The following SERGEF variants were observed in gnomAD, a reference collection of about 807,000 sequenced individuals.
The protein encoded by SERGEF is secretion-regulating guanine nucleotide exchange factor.
SERGEF carries 51 observed loss-of-function variants against 50.0 expected under a neutral mutation model. The ratio of observed to expected loss-of-function variants is 1.02; its 90% CI spans 0.81 to 1.29. The LOEUF (loss-of-function observed/expected upper bound fraction) is 1.29, where lower values mean the gene tolerates loss of function less well. Among genes scored for constraint, SERGEF ranks in the 50% most tolerant of loss-of-function variants. The pLI is 0.00. For missense variants in SERGEF, 521 were observed against 557.0 expected (o/e 0.94, Z 0.65); for synonymous variants, 205 against 212.4 (o/e 0.97, Z 0.30).
chr11:17,870,347 TG>T (rs1201834379), intron 10 of SERGEF, among the ~76,000 whole-genome samples: 3 of 152,070 alleles, frequency 2.0e-5, no homozygotes, highest in African/African-American at 7.2e-5. Flanking sequence ...GGTCCTTAAA[TG>T]TAGAAAAGGG....
At chr11:18,000,465 T>G in intron 5 of SERGEF, 32 bp downstream of exon 5, 1 of 1,466,372 alleles carries the variant, frequency 6.8e-7, no homozygotes, top group East Asian at 2.5e-5. Context: ...GTATTAAAAA[T>G]AAAAATAAAA....
intron 8 of SERGEF, among the ~76,000 whole-genome samples, chr11:17,968,224 C>G (rs954254207): frequency 6.6e-6 from 1 of 152,132 alleles, no homozygotes; most frequent in Non-Finnish European, 1.5e-5. Flanking sequence ...CTGTTACCAC[C>G]AAGGATATCA....
intron 10 of SERGEF, among the ~76,000 whole-genome samples, chr11:17,816,193 A>G (rs767900861): frequency 1.3e-5 from 2 of 152,114 alleles, no homozygotes; most frequent in African/African-American, 2.4e-5. Flanking sequence ...TCTCAGCACC[A>G]TGGTGTCTCC....
chr11:17,828,477 C>G (rs1850241324), intron 10 of SERGEF, among the ~76,000 whole-genome samples: 1 of 152,224 alleles, frequency 6.6e-6, no homozygotes, highest in Non-Finnish European at 1.5e-5. Context: ...GCACGGCTGT[C>G]GCCTGCTCAC....
chr11:17,937,484 C>T (rs982201074), intron 9 of SERGEF, among the ~76,000 whole-genome samples: 1 of 152,036 alleles, frequency 6.6e-6, no homozygotes. Context: ...TTGCAGTGAG[C>T]TGAGATCGTG....
At chr11:18,006,848 AC>A (rs1854085082) in intron 2 of SERGEF, 102 bp from the exon 3 acceptor site, 5 of 1,378,344 alleles carry the variant, frequency 3.6e-6, no homozygotes, top group Non-Finnish European at 5.1e-6. Context: ...CAGACCAATA[AC>A]TTTTTTTGCC....
chr11:17,975,573 C>T (rs1324908041), intron 8 of SERGEF, among the ~76,000 whole-genome samples: 1 of 152,202 alleles, frequency 6.6e-6, no homozygotes, highest in African/African-American at 2.4e-5. Flanking sequence ...CTCAAAATCA[C>T]CTGAGCCCCT....
At chr11:17,815,907 A>G (rs1849966208) in intron 10 of SERGEF, among the ~76,000 whole-genome samples, 1 of 152,210 alleles carries the variant, frequency 6.6e-6, no homozygotes, top group South Asian at 2.1e-4. Context: ...GGCGACAGTG[A>G]GACTCCATCT....
At chr11:17,864,704 G>C (rs1291963410) in intron 10 of SERGEF, among the ~76,000 whole-genome samples, 1 of 152,156 alleles carries the variant, frequency 6.6e-6, no homozygotes, top group Non-Finnish European at 1.5e-5. Flanking sequence ...CTAAAAAACT[G>C]TTGCTCTGCC....
At chr11:17,956,462 G>A (rs538188048) in intron 9 of SERGEF, among the ~76,000 whole-genome samples, 1 of 152,192 alleles carries the variant, frequency 6.6e-6, no homozygotes, top group Non-Finnish European at 1.5e-5. Context: ...AGCAGCAATT[G>A]TAACACCTGC....
intron 7 of SERGEF, among the ~76,000 whole-genome samples, chr11:17,989,167 A>G (rs1361276999): frequency 6.6e-6 from 1 of 152,258 alleles, no homozygotes; most frequent in Non-Finnish European, 1.5e-5. Context: ...ACATTATTTA[A>G]GCTTAAATTT....
At chr11:17,871,659 A>G (rs1851139710) in intron 10 of SERGEF, among the ~76,000 whole-genome samples, 1 of 152,158 alleles carries the variant, frequency 6.6e-6, no homozygotes, top group Admixed American at 6.6e-5. Flanking sequence ...TTGACAAAAG[A>G]AGCCACCCAA....
At chr11:17,838,115 A>T (rs145776193) in intron 10 of SERGEF, among the ~76,000 whole-genome samples, 1 of 152,350 alleles carries the variant, frequency 6.6e-6, no homozygotes, top group Non-Finnish European at 1.5e-5. Context: ...AGCACAACAT[A>T]ACAACACGAA....
At chr11:17,835,875 A>G (rs1348527147) in intron 10 of SERGEF, among the ~76,000 whole-genome samples, 4 of 152,156 alleles carry the variant, frequency 2.6e-5, no homozygotes, top group Non-Finnish European at 5.9e-5. Context: ...TTTTATTCTG[A>G]TTAAATTTGA....
Position 17,835,423 on chromosome 11 carries a change from T to C in SERGEF, c.1048+42785A>G, listed in dbSNP as rs948016075. ...GGTGGTAAGAGGCAGACTTCCTACA[T>C]ATATGGTGTACTTGGAAGGGATTTC... On this transcript the variant is annotated intron_variant, in intron 10 of 10. Coordinates refer to ENST00000265965, the MANE Select transcript of SERGEF (RefSeq NM_012139.4). Among the ~76,000 whole-genome samples, 3 of 152,158 alleles carry C rather than the reference T, an allele frequency of 2.0e-5. No individual in the cohort carries two copies. In the South Asian group the frequency reaches 6.2e-4, roughly 32 times the overall value.
intron 8 of SERGEF, among the ~76,000 whole-genome samples, chr11:17,975,076 G>A (rs1403147904): frequency 2.0e-5 from 3 of 152,174 alleles, no homozygotes; most frequent in Admixed American, 6.5e-5. Context: ...TATGCACACA[G>A]TAACTTTCCA....
At chr11:17,813,424 C>T (rs192222868) in intron 10 of SERGEF, among the ~76,000 whole-genome samples, 2 of 152,284 alleles carry the variant, frequency 1.3e-5, no homozygotes, top group Admixed American at 6.5e-5. Context: ...CTTTTCACAA[C>T]CTTTTGCTAC....
intron 2 of SERGEF, 125 bp downstream of exon 2, chr11:18,007,816 A>T (rs1854111953): frequency 9.6e-7 from 1 of 1,040,502 alleles, no homozygotes. Flanking sequence ...TTTCACAAAA[A>T]TGTTTCACAA....
At chr11:17,904,069 G>C (rs1287184110) in intron 9 of SERGEF, among the ~76,000 whole-genome samples, 1 of 152,216 alleles carries the variant, frequency 6.6e-6, no homozygotes. Context: ...GTATATGCAG[G>C]GAAGTGTTCA....
Sources: allele counts gnomAD v4.1 joint callset (sites outside exome capture counted in the v4.1 genomes callset), GRCh38; gene constraint gnomAD v4.1.1; transcripts MANE v1.5; gene names NCBI Gene and HGNC (gene_info 2026-07-23, HGNC 2026-07-21).